Variants in ARK2C observed in about 807,000 individuals in gnomAD.
ARK2C encodes the protein E3 ubiquitin-protein ligase ARK2C.
chr18:46,409,285 C>T, the ARK2C span, among the ~76,000 whole-genome samples: 3 of 152,140 alleles, frequency 2.0e-5, no homozygotes, highest in Admixed American at 6.5e-5. Flanking sequence ...AGACACTGTC[C>T]TGGGAGCAGC....
At chr18:46,376,664 C>CTTTTTTTTTTTTTTTTTT in the ARK2C span, among the ~76,000 whole-genome samples, 1 of 72,246 alleles carries the variant, frequency 1.4e-5, no homozygotes, top group African/African-American at 5.7e-5. Context: ...GGTTAATAAT[C>CTTTTTTTTTTTTTTTTTT]TTTTTTTTTT....
the ARK2C span, among the ~76,000 whole-genome samples, chr18:46,383,608 A>G: frequency 0.046 from 6,169 of 134,170 alleles, 146 homozygotes; most frequent in Non-Finnish European, 0.058. Context: ...AGATTGGAGT[A>G]CAGTGGTGCG....
chr18:46,342,553 G>A, the ARK2C span, among the ~76,000 whole-genome samples: 7 of 152,232 alleles, frequency 4.6e-5, no homozygotes, highest in Non-Finnish European at 7.3e-5. Context: ...TTGGAACCCA[G>A]GGTGGAGAGT....
At chr18:46,458,937 G>A in the ARK2C span, 1 of 152,222 alleles carries the variant, frequency 6.6e-6, no homozygotes, top group Non-Finnish European at 1.5e-5. Flanking sequence ...CTAAAGGCTG[G>A]AGATCTCACC....
chr18:46,358,348 C>T, the ARK2C span, among the ~76,000 whole-genome samples: 7 of 152,118 alleles, frequency 4.6e-5, no homozygotes, highest in Non-Finnish European at 1.0e-4. Context: ...AGGAAGTGAA[C>T]GAGTGAAGGA....
chr18:46,387,838 A>G, the ARK2C span, among the ~76,000 whole-genome samples: 4 of 152,222 alleles, frequency 2.6e-5, no homozygotes, highest in Non-Finnish European at 4.4e-5. Flanking sequence ...CTTAGGGGTT[A>G]TTTAGTTACA....
the ARK2C span, among the ~76,000 whole-genome samples, chr18:46,421,686 AC>A: frequency 6.6e-6 from 1 of 151,838 alleles, no homozygotes; most frequent in Non-Finnish European, 1.5e-5. Flanking sequence ...TCTTTCCCTT[AC>A]TCCTGGTCCA....
the ARK2C span, among the ~76,000 whole-genome samples, chr18:46,383,647 A>G: frequency 7.1e-6 from 1 of 141,588 alleles, no homozygotes; most frequent in Admixed American, 7.9e-5. Flanking sequence ...CTCTGCCTCC[A>G]GGGTTCATGC....
the ARK2C span, among the ~76,000 whole-genome samples, chr18:46,376,056 C>T: frequency 3.9e-5 from 6 of 152,134 alleles, no homozygotes; most frequent in South Asian, 2.1e-4. Flanking sequence ...AGAACAGGGC[C>T]GGGCCCGGGG....
the ARK2C span, chr18:46,462,324 C>T: frequency 6.5e-6 from 1 of 153,796 alleles, no homozygotes; most frequent in Non-Finnish European, 1.4e-5. Context: ...TTCCTCCTGC[C>T]TCTTCCCCTT....
chr18:46,374,292 T>C, the ARK2C span, among the ~76,000 whole-genome samples: 3 of 152,238 alleles, frequency 2.0e-5, no homozygotes, highest in Non-Finnish European at 2.9e-5. Context: ...ATTTTAACCA[T>C]TAAGTGCCAC....
At chr18:46,396,943 G>A in the ARK2C span, among the ~76,000 whole-genome samples, 2 of 152,254 alleles carry the variant, frequency 1.3e-5, no homozygotes, top group African/African-American at 4.8e-5. Context: ...AGCCTGGGGG[G>A]TTCCCCTTTC....
the ARK2C span, chr18:46,447,678 T>G: frequency 2.5e-6 from 4 of 1,614,112 alleles, no homozygotes; most frequent in Middle Eastern, 3.3e-4. Context: ...CAGAAACTCC[T>G]CCTCCACACA....
the ARK2C span, among the ~76,000 whole-genome samples, chr18:46,361,220 C>T: frequency 1.3e-5 from 2 of 152,162 alleles, no homozygotes; most frequent in Admixed American, 1.3e-4. Flanking sequence ...CTGGGCTTCA[C>T]CCCAGCTCCA....
At chr18:46,364,764 G>A in the ARK2C span, among the ~76,000 whole-genome samples, 1 of 152,130 alleles carries the variant, frequency 6.6e-6, no homozygotes, top group African/African-American at 2.4e-5. Context: ...CCTTTTCTGA[G>A]GATCGCACGG....
chr18:46,355,630 C>T, the ARK2C span, among the ~76,000 whole-genome samples: 1 of 152,208 alleles, frequency 6.6e-6, no homozygotes, highest in Non-Finnish European at 1.5e-5. Flanking sequence ...GGAATGCTGG[C>T]CTCTCCTTCT....
the ARK2C span, chr18:46,455,922 A>T: frequency 4.3e-5 from 49 of 1,148,324 alleles, no homozygotes; most frequent in Admixed American, 8.8e-4. Flanking sequence ...ACCACCAGCC[A>T]CCAGCTGAGT....
chr18:46,355,425 C>T, the ARK2C span, among the ~76,000 whole-genome samples: 889 of 152,276 alleles, frequency 5.8e-3, 20 homozygotes, highest in African/African-American at 0.021. Context: ...CTGCCTCATT[C>T]TCTAGGCTCT....
the ARK2C span, among the ~76,000 whole-genome samples, chr18:46,448,595 T>C: frequency 3.3e-5 from 5 of 152,296 alleles, no homozygotes; most frequent in South Asian, 1.0e-3. Flanking sequence ...GAAATGAAGA[T>C]GCCTGCCTCG....
Sources: gnomAD v4.1 joint callset for allele counts (sites outside exome capture counted in the v4.1 genomes callset) on GRCh38, gnomAD v4.1.1 for gene constraint, MANE v1.5 for transcripts, NCBI Gene and HGNC (gene_info 2026-07-23, HGNC 2026-07-21) for gene names.